PCDHA2: variants seen among roughly 807,000 people sequenced by gnomAD.
The protein encoded by PCDHA2 is protocadherin alpha 2, also known as protocadherin alpha-2.
Under a neutral mutation model 66.0 loss-of-function variants are expected in PCDHA2, and 58 were observed. The observed-to-expected ratio is 0.88, with a 90% confidence interval of 0.71 to 1.09. The LOEUF (loss-of-function observed/expected upper bound fraction) is 1.09. PCDHA2 is among the 50% of genes least tolerant of loss of function. The probability of loss-of-function intolerance (pLI) is 0.00; values close to 1 mark genes in which losing one functional copy is unlikely to be tolerated. For synonymous variants in PCDHA2, 634 were observed against 554.0 expected, an observed-to-expected ratio of 1.14 and a Z score of -2.03; for missense variants, 1,267 against 1,242.3, an observed-to-expected ratio of 1.02 and a Z score of -0.30.
At chr5:140,852,885 ATT>A (rs879977429) in intron 1 of PCDHA2, 59 of 776,660 alleles carry the variant, frequency 7.6e-5, no homozygotes, top group Non-Finnish European at 8.1e-5. Flanking sequence ...CATAAAACGT[ATT>A]TTTTTTTTTG....
At chr5:140,860,376 A>G (rs1301503949) in intron 1 of PCDHA2, 1 of 152,078 alleles carries the variant, frequency 6.6e-6, no homozygotes, top group Non-Finnish European at 1.5e-5. Context: ...GTGAGACCCT[A>G]TTTCAAAAAT....
At chr5:140,869,531 C>A (rs782191099) in intron 1 of PCDHA2, 11 of 1,614,032 alleles carry the variant, frequency 6.8e-6, no homozygotes, top group African/African-American at 2.7e-5. Flanking sequence ...CTGCTGATTG[C>A]GGAATCTAAG....
chr5:140,849,126 T>C, intron 1 of PCDHA2: 1 of 1,386,260 alleles, frequency 7.2e-7, no homozygotes, highest in East Asian at 2.4e-5. Flanking sequence ...GCTTCATTTA[T>C]TGCTCACGGC....
At chr5:140,900,920 T>C (rs539511607) in intron 1 of PCDHA2, among the ~76,000 whole-genome samples, 1 of 152,322 alleles carries the variant, frequency 6.6e-6, no homozygotes, top group South Asian at 2.1e-4. Context: ...TAAGATGATA[T>C]CTCATTGTAG....
intron 1 of PCDHA2, chr5:140,868,954 C>G: frequency 7.4e-7 from 1 of 1,348,952 alleles, no homozygotes; most frequent in Non-Finnish European, 1.0e-6. Flanking sequence ...GTGAGGCACT[C>G]CCATACAAAG....
chr5:140,906,786 A>G (rs1471436514), intron 1 of PCDHA2, among the ~76,000 whole-genome samples: 1 of 152,198 alleles, frequency 6.6e-6, no homozygotes, highest in Non-Finnish European at 1.5e-5. Flanking sequence ...GATCTTGTGT[A>G]TTCCATGCAT....
At chr5:140,865,437 T>A (rs951308725) in intron 1 of PCDHA2, 1 of 152,200 alleles carries the variant, frequency 6.6e-6, no homozygotes, top group Non-Finnish European at 1.5e-5. Flanking sequence ...GAAAAATAAC[T>A]TCTGAGAAGA....
chr5:141,010,697 C>T lies in PCDHA2; in HGVS notation c.*760C>T, dbSNP rs1163164861. The T allele has an allele frequency of 6.3e-6, 1 of 158,698 alleles. No homozygotes were observed. 9.8% of individuals were successfully genotyped at this position (158,698 alleles called of 1,614,324 possible). A position where few individuals can be genotyped will look rare whatever the true frequency, so the allele number is the denominator to read the frequency against. On this transcript the variant is annotated 3_prime_UTR_variant, in exon 4 of 4. Coordinates refer to ENST00000526136, the MANE Select transcript of PCDHA2 (RefSeq NM_018905.3). ...AACAGAAGCAGATCTGATGTGTTTCCTATACATGTCCTGTGCTCACTTTAT... is the reference window on the plus strand; with the variant it reads ...AACAGAAGCAGATCTGATGTGTTTCTTATACATGTCCTGTGCTCACTTTAT...
In PCDHA2 at chr5:140,807,867, A is replaced by G. The variant is rs782786124; in HGVS notation, c.2388+10515A>G. 6 of 1,614,086 alleles carry G rather than the reference A, an allele frequency of 3.7e-6. No homozygotes were observed. In the African/African-American group the frequency reaches 8.0e-5, roughly 22 times the overall value. On this transcript the variant is annotated intron_variant, in intron 1 of 3. Coordinates refer to ENST00000526136, the MANE Select transcript of PCDHA2 (RefSeq NM_018905.3). ...AAACCCGAGTTGACTGGCACCGTTCAGTTACTCATCACAGTACTGGATGCC... is the reference window on the plus strand; with the variant it reads ...AAACCCGAGTTGACTGGCACCGTTCGGTTACTCATCACAGTACTGGATGCC...
At position 140,829,457 on chromosome 5, in the gene PCDHA2, G is replaced by A. The variant is rs1362203038; in HGVS notation, c.2388+32105G>A. 5 of 1,613,758 alleles carry A rather than the reference G, an allele frequency of 3.1e-6. No homozygotes were observed. In the Admixed American group the frequency reaches 8.3e-5, roughly 27 times the overall value. On this transcript the variant is annotated intron_variant, in intron 1 of 3. Transcript: ENST00000526136. The stretch of plus-strand genomic sequence containing the variant: ...CATGAATGACAATGCTCCGGCGTTC[G>A]CGCAGCCCGAGTACACAGTGTTCGT...
In PCDHA2 at chr5:140,927,497, T is replaced by G. The variant is rs199998669; in HGVS notation, c.2389-51452T>G. ...GAACAGCGCGCCACCCACCTGCTGGTGCTTACAGCTCGGGACGGCGGGCTA... is the reference window on the plus strand; with the variant it reads ...GAACAGCGCGCCACCCACCTGCTGGGGCTTACAGCTCGGGACGGCGGGCTA... On this transcript the variant is annotated intron_variant, in intron 1 of 3. Coordinates refer to ENST00000526136, the MANE Select transcript of PCDHA2 (RefSeq NM_018905.3). The G allele has an allele frequency of 2.0e-4, 325 of 1,614,094 alleles. No homozygotes were observed. The highest frequency in any genetic ancestry group is 2.6e-4 in the Non-Finnish European group (305 of 1,180,030).
intron 1 of PCDHA2, chr5:140,807,651 A>G (rs1554124177): frequency 6.2e-7 from 1 of 1,614,098 alleles, no homozygotes; most frequent in Non-Finnish European, 8.5e-7. Flanking sequence ...TTTCCACTAG[A>G]GGGCGCCTCG....
At chr5:140,952,449 G>C (rs549255236) in intron 1 of PCDHA2, among the ~76,000 whole-genome samples, 1 of 152,242 alleles carries the variant, frequency 6.6e-6, no homozygotes. Context: ...AATACAGCCA[G>C]GCTCTTTGCT....
At chr5:140,882,041 A>G (rs1374444489) in intron 1 of PCDHA2, 9 of 677,522 alleles carry the variant, frequency 1.3e-5, no homozygotes, top group African/African-American at 1.3e-4. Context: ...ATGAAGACTG[A>G]GTCATACTTA....
intron 1 of PCDHA2, chr5:140,811,995 A>C (rs1441675805): frequency 2.9e-5 from 3 of 104,506 alleles, no homozygotes; most frequent in Middle Eastern, 5.4e-3. Context: ...TTTATTTTTT[A>C]CTACCATTTT....
At chr5:140,946,610 A>AT (rs2093970425) in intron 1 of PCDHA2, among the ~76,000 whole-genome samples, 1 of 119,932 alleles carries the variant, frequency 8.3e-6, no homozygotes, top group African/African-American at 3.4e-5. Flanking sequence ...AGAAAATGTG[A>AT]AATATATATA....
intron 1 of PCDHA2, chr5:140,861,255 C>T (rs533071435): frequency 3.0e-5 from 5 of 166,616 alleles, no homozygotes; most frequent in African/African-American, 4.8e-5. Context: ...GGCCAGGAAT[C>T]CCGGAGCCTA....
At chr5:140,890,961 TTTTG>T (rs1239214366) in intron 1 of PCDHA2, among the ~76,000 whole-genome samples, 3 of 152,172 alleles carry the variant, frequency 2.0e-5, no homozygotes, top group African/African-American at 7.2e-5. Flanking sequence ...TGATTTCAGG[TTTTG>T]TTTTTCTGAA....
chr5:140,827,747 C>T lies in PCDHA2; in HGVS notation c.2388+30395C>T, dbSNP rs1323675103. On this transcript the variant is annotated intron_variant, in intron 1 of 3. Transcript: ENST00000526136. The stretch of plus-strand genomic sequence containing the variant: ...TTGTTTAGCTGTGAATAATTAGATC[C>T]CTTACTTTAAATTAATAAAAGAAGT... 2.0e-5 allele frequency among the ~76,000 whole-genome samples: 3 copies of T among 152,240 alleles called. No individual in the cohort carries two copies. In the East Asian group the frequency reaches 5.8e-4, roughly 29 times the overall value.
Sources: gnomAD v4.1 joint callset for allele counts (sites outside exome capture counted in the v4.1 genomes callset) on GRCh38, gnomAD v4.1.1 for gene constraint, MANE v1.5 for transcripts, NCBI Gene and HGNC (gene_info 2026-07-23, HGNC 2026-07-21) for gene names.